Variants in NRXN1 observed in about 807,000 individuals in gnomAD.
NRXN1 encodes neurexin 1.
NRXN1 carries 39 observed loss-of-function variants against 150.9 expected under a neutral mutation model. The ratio of observed to expected loss-of-function variants is 0.26; its 90% CI spans 0.20 to 0.34. The LOEUF (loss-of-function observed/expected upper bound fraction) is 0.34, where lower values mean the gene tolerates loss of function less well. Among genes scored for constraint, NRXN1 ranks in the 10% least tolerant of loss-of-function variants. The pLI, the probability that NRXN1 is intolerant of heterozygous loss-of-function variation, is 1.00. For synonymous variants in NRXN1, 924 were observed against 757.0 expected (o/e 1.22, Z -3.62); for missense variants, 1,815 against 1,949.9 (o/e 0.93, Z 1.30).
intron 9 of NRXN1, among the ~76,000 whole-genome samples, chr2:50,551,050 G>GGAAGAGGAAGAGGAA (rs1335681510): frequency 1.1e-3 from 84 of 78,924 alleles, no homozygotes; most frequent in African/African-American, 2.7e-3. Flanking sequence ...AAGAGGAAGA[G>GGAAGAGGAAGAGGAA]GAAGAAGAAG....
rs914618194 is a variant in NRXN1 at position 50,988,120 on chromosome 2, G to T, written c.772+39382C>A. Among the ~76,000 whole-genome samples the T allele has an allele frequency of 7.9e-5, 12 of 151,748 alleles. No homozygotes were observed. The East Asian group carries it at 2.3e-3, about 30-fold the overall frequency. ...AATAAGATACAGATTCTTCCATAAGGGTCAGTGATAACTCCAATGTTCAGC... is the reference window on the plus strand; with the variant it reads ...AATAAGATACAGATTCTTCCATAAGTGTCAGTGATAACTCCAATGTTCAGC... On this transcript the variant is annotated intron_variant, in intron 2 of 22. Coordinates refer to ENST00000401669, the MANE Select transcript of NRXN1 (RefSeq NM_001330078.2).
chr2:50,882,787 T>C (rs1679643740), intron 5 of NRXN1, among the ~76,000 whole-genome samples: 1 of 151,890 alleles, frequency 6.6e-6, no homozygotes, highest in East Asian at 1.9e-4. Flanking sequence ...AATATTTTGT[T>C]TTAAGATAAC....
intron 5 of NRXN1, among the ~76,000 whole-genome samples, chr2:50,734,787 G>A (rs1298647537): frequency 1.3e-5 from 2 of 150,856 alleles, no homozygotes; most frequent in Non-Finnish European, 2.9e-5. Flanking sequence ...TGGCTAAAAT[G>A]GCAGACACAT....
At chr2:50,572,446 G>C (rs1670799893) in intron 8 of NRXN1, among the ~76,000 whole-genome samples, 1 of 152,062 alleles carries the variant, frequency 6.6e-6, no homozygotes, top group South Asian at 2.1e-4. Flanking sequence ...CATAAGAATA[G>C]ACTTATTTAG....
chr2:50,300,849 C>T (rs1435120648), intron 17 of NRXN1, among the ~76,000 whole-genome samples: 1 of 152,120 alleles, frequency 6.6e-6, no homozygotes, highest in African/African-American at 2.4e-5. Context: ...GCGCCTGGCA[C>T]CACGCCTGGC....
At chr2:50,828,050 C>T (rs1209266007) in intron 5 of NRXN1, among the ~76,000 whole-genome samples, 3 of 150,138 alleles carry the variant, frequency 2.0e-5, no homozygotes, top group Admixed American at 6.6e-5. Context: ...AATCTTTTCC[C>T]CACCTTTCCC....
In NRXN1 at chr2:51,028,190, G is replaced by A. The variant is rs1441450433; in HGVS notation, c.84C>T (p.Gly28=). The change falls in exon 2 of 23, where the codon GGC becomes GGT. Residue 28 remains glycine, a synonymous_variant. Transcript: ENST00000401669. ...LLLLGCWAEL[G]SGLEFPGAEG... The stretch of plus-strand genomic sequence containing the variant: ...CGGCGCCCGGAAACTCCAGCCCGCT[G>A]CCCAGCTCCGCCCAGCAGCCCAGGA... The A allele has an allele frequency of 6.0e-6, 9 of 1,492,900 alleles. No homozygotes were observed. Among genetic ancestry groups the A allele is most frequent in the South Asian group, 1.3e-5 (1 of 74,324 alleles). The allele number at this position is 1,492,900 out of a possible 1,614,324, so 92.5% of individuals were successfully genotyped here. A position where few individuals can be genotyped will look rare whatever the true frequency, so the allele number is the denominator to read the frequency against.
At chr2:50,383,919 T>C (rs2081142393) in intron 17 of NRXN1, among the ~76,000 whole-genome samples, 1 of 152,212 alleles carries the variant, frequency 6.6e-6, no homozygotes, top group Admixed American at 6.5e-5. Context: ...ATCCTTCTGA[T>C]AGCTTTGCTG....
chr2:49,964,188 G>A (rs1354403032), intron 21 of NRXN1, among the ~76,000 whole-genome samples: 1 of 152,212 alleles, frequency 6.6e-6, no homozygotes, highest in African/African-American at 2.4e-5. Flanking sequence ...GCTCCAAACT[G>A]CTGGTTTCTC....
At chr2:50,300,583 T>C (rs1321720875) in intron 17 of NRXN1, among the ~76,000 whole-genome samples, 2 of 152,200 alleles carry the variant, frequency 1.3e-5, no homozygotes, top group Admixed American at 6.5e-5. Context: ...TGCAGCTAAG[T>C]GTGACCATGT....
At chr2:50,463,694 A>T (rs2088497747) in intron 17 of NRXN1, among the ~76,000 whole-genome samples, 1 of 151,800 alleles carries the variant, frequency 6.6e-6, no homozygotes, top group African/African-American at 2.4e-5. Flanking sequence ...TAACAAATAC[A>T]TACACAAAAT....
intron 5 of NRXN1, among the ~76,000 whole-genome samples, chr2:50,904,013 G>C (rs1441584107): frequency 6.6e-6 from 1 of 152,080 alleles, no homozygotes; most frequent in East Asian, 1.9e-4. Flanking sequence ...AAAAGACTAT[G>C]TCTCTGCTGG....
At chr2:50,431,786 C>T (rs1447133799) in intron 17 of NRXN1, among the ~76,000 whole-genome samples, 1 of 152,124 alleles carries the variant, frequency 6.6e-6, no homozygotes, top group South Asian at 2.1e-4. Context: ...ATTATCCAGT[C>T]CTTTACACAA....
chr2:50,732,651 T>A (rs763917951), intron 5 of NRXN1, among the ~76,000 whole-genome samples: 5 of 152,176 alleles, frequency 3.3e-5, no homozygotes, highest in Non-Finnish European at 7.4e-5. Context: ...TGACCCCGAT[T>A]TTCCTTTAAA....
At chr2:49,945,496 T>C (rs1672733557) in intron 21 of NRXN1, among the ~76,000 whole-genome samples, 1 of 151,938 alleles carries the variant, frequency 6.6e-6, no homozygotes, top group Non-Finnish European at 1.5e-5. Context: ...CATCAACCTG[T>C]CATCTACATT....
intron 18 of NRXN1, among the ~76,000 whole-genome samples, chr2:50,175,684 A>G (rs2060310460): frequency 6.6e-6 from 1 of 152,200 alleles, no homozygotes; most frequent in South Asian, 2.1e-4. Flanking sequence ...ACAAAGAAAA[A>G]CTGCTTAATT....
At chr2:50,914,699 C>T (rs1490798021) in intron 5 of NRXN1, among the ~76,000 whole-genome samples, 1 of 151,592 alleles carries the variant, frequency 6.6e-6, no homozygotes, top group African/African-American at 2.4e-5. Context: ...TTTTTGTTTT[C>T]GTTGACTTTG....
At chr2:50,508,347 G>A (rs1351386471) in intron 12 of NRXN1, among the ~76,000 whole-genome samples, 1 of 151,338 alleles carries the variant, frequency 6.6e-6, no homozygotes, top group African/African-American at 2.4e-5. Flanking sequence ...AATAACTAGA[G>A]AAAGCCTGCT....
intron 8 of NRXN1, among the ~76,000 whole-genome samples, chr2:50,580,272 T>G (rs1475607581): frequency 6.6e-6 from 1 of 152,164 alleles, no homozygotes; most frequent in Admixed American, 6.6e-5. Context: ...TAATTTTAGC[T>G]CCGTTGTTTA....
Sources: allele counts gnomAD v4.1 joint callset (sites outside exome capture counted in the v4.1 genomes callset), GRCh38; gene constraint gnomAD v4.1.1; transcripts MANE v1.5; gene names NCBI Gene and HGNC (gene_info 2026-07-23, HGNC 2026-07-21).